The following PLAUR variants were observed in gnomAD, a reference collection of about 807,000 sequenced individuals.
The protein encoded by PLAUR is plasminogen activator, urokinase receptor.
Under a neutral mutation model 33.4 loss-of-function variants are expected in PLAUR, and 22 were observed. That is an observed-to-expected ratio of 0.66 (90% CI 0.47 to 0.94). The LOEUF (loss-of-function observed/expected upper bound fraction) is 0.94, where lower values mean the gene tolerates loss of function less well. Ranked by LOEUF, PLAUR falls within the 40% of genes least tolerant of loss-of-function variation. PLAUR has a pLI of 0.00. For missense variants in PLAUR, 408 were observed against 434.7 expected (o/e 0.94, Z 0.55); for synonymous variants, 148 against 167.3 (o/e 0.88, Z 0.89).
intron 3 of PLAUR, among the ~76,000 whole-genome samples, chr19:43,663,423 T>C (rs4251838): frequency 9.1e-4 from 138 of 151,722 alleles, no homozygotes; most frequent in African/African-American, 3.1e-3. Context: ...CCCAGCATCA[T>C]GTAAGTACTG....
intron 6 of PLAUR, among the ~76,000 whole-genome samples, chr19:43,649,469 G>A (rs1973898859): frequency 6.6e-6 from 1 of 151,532 alleles, no homozygotes; most frequent in Non-Finnish European, 1.5e-5. Flanking sequence ...GAGCTCAGGA[G>A]ATGGAGGCTG....
chr19:43,666,607 G>T (rs4251822), intron 2 of PLAUR, among the ~76,000 whole-genome samples: 16 of 147,120 alleles, frequency 1.1e-4, no homozygotes, highest in Non-Finnish European at 2.1e-4. Flanking sequence ...TGCTCTTGTC[G>T]CCCAGGCTGG....
At chr19:43,658,091 C>T (rs1020946523) in intron 3 of PLAUR, among the ~76,000 whole-genome samples, 1 of 151,460 alleles carries the variant, frequency 6.6e-6, no homozygotes, top group Non-Finnish European at 1.5e-5. Context: ...ATGTAGTCAA[C>T]TGGATATTAT....
chr19:43,666,545 C>T (rs1967262825), intron 2 of PLAUR, among the ~76,000 whole-genome samples: 1 of 131,676 alleles, frequency 7.6e-6, no homozygotes, highest in African/African-American at 2.8e-5. Flanking sequence ...CTCTCTCTTT[C>T]TCTCTCTCTC....
At chr19:43,653,786 C>A (rs1974092183) in intron 5 of PLAUR, among the ~76,000 whole-genome samples, 2 of 152,024 alleles carry the variant, frequency 1.3e-5, no homozygotes, top group Non-Finnish European at 2.9e-5. Context: ...TTGATACCAG[C>A]CCCGGCAACA....
chr19:43,654,766 G>A (rs566799662), intron 5 of PLAUR, among the ~76,000 whole-genome samples: 28 of 152,120 alleles, frequency 1.8e-4, no homozygotes, highest in African/African-American at 6.7e-4. Flanking sequence ...CTCGCTGCTG[G>A]GTTGAGCCTT....
At chr19:43,668,340 CAGACTCATCGTCGAGGTTCT>C in intron 1 of PLAUR, 1 of 983,070 alleles carries the variant, frequency 1.0e-6, no homozygotes, top group Non-Finnish European at 1.2e-6. Context: ...GGCCCCGCTC[CAGACTCATCGTCGAGGTTCT>C]AGCCCCGCCC....
intron 5 of PLAUR, among the ~76,000 whole-genome samples, chr19:43,653,374 A>G (rs1225525615): frequency 2.0e-5 from 3 of 152,188 alleles, no homozygotes; most frequent in Non-Finnish European, 2.9e-5. Flanking sequence ...CCTGAAGATG[A>G]TACATTAAAG....
intron 3 of PLAUR, among the ~76,000 whole-genome samples, chr19:43,658,683 GAC>G (rs1974309378): frequency 6.6e-6 from 1 of 152,058 alleles, no homozygotes; most frequent in Non-Finnish European, 1.5e-5. Flanking sequence ...CCTGACCCAA[GAC>G]ACATCTAAGC....
chr19:43,667,747 C>A, intron 1 of PLAUR, 56 bp from the exon 2 acceptor site: 1 of 1,589,234 alleles, frequency 6.3e-7, no homozygotes, highest in East Asian at 2.3e-5. Context: ...TCCAAGACCC[C>A]CGCTCACCCC....
chr19:43,667,623 C>T lies in PLAUR; in HGVS notation c.124G>A (p.Gly42Arg), dbSNP rs202036896. 2 of 1,614,066 alleles carry T rather than the reference C, an allele frequency of 1.2e-6. No homozygotes were observed. Among genetic ancestry groups the T allele is most frequent in the East Asian group, 2.2e-5 (1 of 44,880 alleles). ...ATCGTGGTCCTGCAGAGGTCCTGTCCCAGGGCGCACTCTTCCACACGGCAA... is the reference window on the plus strand; with the variant it reads ...ATCGTGGTCCTGCAGAGGTCCTGTCTCAGGGCGCACTCTTCCACACGGCAA... The part of the protein sequence containing the change: ...GDCRVEECAL[G>R]QDLCRTTIVR... Residue 42 changes from glycine to arginine, a missense_variant, in exon 2 of 7, where the codon GGA becomes AGA. Gly to Arg is a moderately radical substitution (Grantham distance 125). Transcript: ENST00000340093.
chr19:43,652,172 G>A (rs372245272), intron 6 of PLAUR, 53 bp downstream of exon 6: 27 of 1,595,796 alleles, frequency 1.7e-5, no homozygotes, highest in Middle Eastern at 2.0e-4. Flanking sequence ...AATCTCTTGC[G>A]GAACTCTCCA....
At chr19:43,668,843 C>A (rs963815834) in intron 1 of PLAUR, among the ~76,000 whole-genome samples, 6 of 151,688 alleles carry the variant, frequency 4.0e-5, no homozygotes, top group Admixed American at 2.6e-4. Context: ...GTTCTAGCCC[C>A]GCTCCTAGCT....
intron 3 of PLAUR, among the ~76,000 whole-genome samples, chr19:43,664,554 C>T (rs927428593): frequency 6.6e-6 from 1 of 152,230 alleles, no homozygotes; most frequent in Non-Finnish European, 1.5e-5. Flanking sequence ...AAGCGGTTCT[C>T]CCGCCTTGGT....
chr19:43,646,380 G>C, downstream of PLAUR: 1 of 700,028 alleles, frequency 1.4e-6, no homozygotes. Context: ...ACATGTCCAA[G>C]GTGGCTTCTT....
At chr19:43,665,526 G>A (rs1162879633) in intron 2 of PLAUR, 67 bp from the exon 3 acceptor site, 3 of 1,536,598 alleles carry the variant, frequency 2.0e-6, no homozygotes, top group Non-Finnish European at 2.7e-6. Flanking sequence ...GACACTCCTG[G>A]TCTCAAGGTC....
rs140329717 is a variant in PLAUR at position 43,663,600 on chromosome 19, G to A, written c.310+1716C>T. Among the ~76,000 whole-genome samples the A allele has an allele frequency of 1.3e-3, 193 of 152,052 alleles. 1 individual carries two copies. In the East Asian group the frequency reaches 0.032, roughly 25 times the overall value. On this transcript the variant is annotated intron_variant, in intron 3 of 6. Coordinates refer to ENST00000340093, the MANE Select transcript of PLAUR (RefSeq NM_002659.4). ...AGTTCAAGATCAGCTTGACCAACAT[G>A]GAGAAACCTCATCTCTACTAAAAAT...
intron 3 of PLAUR, among the ~76,000 whole-genome samples, chr19:43,663,960 C>G: frequency 6.6e-6 from 1 of 152,002 alleles, no homozygotes; most frequent in East Asian, 1.9e-4. Flanking sequence ...TCCCCAGGAC[C>G]CTTCATGTCC....
In PLAUR at chr19:43,668,672, G is replaced by GC. The variant is rs202107199; in HGVS notation, c.56-982dup. ...CCCCAAGCTTATAACCCCGCCCCTA[G>GC]CCCCTCCTTGAGGTTCCAGCCCCGC... On this transcript the variant is annotated intron_variant, in intron 1 of 6. Transcript: ENST00000340093. 3.9e-3 allele frequency among the ~76,000 whole-genome samples: 438 copies of GC among 110,988 alleles called. 5 individuals are homozygous for GC. Among genetic ancestry groups the GC allele is most frequent in the African/African-American group, 0.015 (409 of 27,994 alleles). 72.8% of individuals were successfully genotyped at this position (110,988 alleles called of 152,430 possible).
Sources: allele counts gnomAD v4.1 joint callset (sites outside exome capture counted in the v4.1 genomes callset), GRCh38; gene constraint gnomAD v4.1.1; transcripts MANE v1.5; gene names NCBI Gene and HGNC (gene_info 2026-07-23, HGNC 2026-07-21).